SRCAP: variants seen among roughly 807,000 people sequenced by gnomAD.
SRCAP encodes the protein Snf2 related CREBBP activator protein.
In SRCAP, 46 loss-of-function variants were observed where a neutral mutation model predicts 263.1. That is an observed-to-expected ratio of 0.17 (90% CI 0.14 to 0.22). The LOEUF (loss-of-function observed/expected upper bound fraction) is 0.22, where lower values mean the gene tolerates loss of function less well. SRCAP is among the 10% of genes least tolerant of loss of function. The pLI, the probability that SRCAP is intolerant of heterozygous loss-of-function variation, is 1.00. For missense variants in SRCAP, 3,695 were observed against 4,181.9 expected, an observed-to-expected ratio of 0.88 and a Z score of 3.21; for synonymous variants, 1,813 against 1,662.1, an observed-to-expected ratio of 1.09 and a Z score of -2.21.
At chr16:30,722,916 C>A in intron 23 of SRCAP, 47 bp from the exon 24 acceptor site, 1 of 1,568,174 alleles carries the variant, frequency 6.4e-7, no homozygotes, top group South Asian at 1.2e-5. Flanking sequence ...TTCTTTGGGT[C>A]TTTTGTTTCT....
At position 30,738,416 on chromosome 16, in the gene SRCAP, T is replaced by C. The variant is rs1596669158; in HGVS notation, c.8376T>C (p.Ser2792=). The change falls in exon 34 of 34, where the codon TCT becomes TCC. Residue 2792 remains serine (S), a synonymous_variant. Coordinates refer to ENST00000262518, the MANE Select transcript of SRCAP (RefSeq NM_006662.3). ...CTAGTGCCAGCCCGGGAAGCCCGTC[T>C]GTCCGCAGCATGTCAGGGCCAGAAT... ...SETSASPGSP[S]VRSMSGPESS... is the part of the protein sequence containing the mutation. 1 of 1,545,698 alleles carries C rather than the reference T, an allele frequency of 6.5e-7. No homozygotes were observed. The highest frequency in any genetic ancestry group is 2.3e-5 in the East Asian group (1 of 44,304).
chr16:30,712,109 A>G lies in SRCAP; in HGVS notation c.1767A>G (p.Ala589=), dbSNP rs138290515. The G allele has an allele frequency of 2.2e-4, 355 of 1,614,054 alleles. No individual in the cohort carries two copies. Among genetic ancestry groups the G allele is most frequent in the Non-Finnish European group, 2.7e-4 (319 of 1,180,026 alleles). ...GPKKEITDIA[A]AAESLQPKGY... ...AGAAAGAAATTACTGACATTGCTGC[A>G]GCAGCTGAAAGTCTCCAGCCCAAGG... The change falls in exon 12 of 34, where the codon GCA becomes GCG. Residue 589 remains alanine (A), a synonymous_variant. Transcript: ENST00000262518.
At position 30,729,006 on chromosome 16, in the gene SRCAP, G is replaced by A. The variant is rs774547169; in HGVS notation, c.5699G>A (p.Arg1900His). The A allele has an allele frequency of 1.1e-5, 18 of 1,613,928 alleles. No individual in the cohort carries two copies. The highest frequency in any genetic ancestry group is 6.7e-5 in the African/African-American group (5 of 74,892). ...AAGCGGAAGCGGCAGCGGTCTGAAC[G>A]CCTGGAACGGATTTTCCAACTTAGT... is the stretch of plus-strand genomic sequence containing the variant. ...EEKRKRQRSE[R>H]LERIFQLSEA... is the part of the protein sequence containing the mutation. Residue 1900 changes from arginine (R) to histidine (H), a missense_variant, in exon 26 of 34, where the codon CGC becomes CAC. Arg to His is a conservative substitution (Grantham distance 29). Transcript: ENST00000262518.
intron 24 of SRCAP, 34 bp downstream of exon 24, chr16:30,723,263 C>A: frequency 6.4e-7 from 1 of 1,566,990 alleles, no homozygotes; most frequent in Non-Finnish European, 8.7e-7. Flanking sequence ...GAAATCCTTG[C>A]CAGGAATGGA....
At chr16:30,734,299 C>T (rs1429452678) in intron 30 of SRCAP, 197 bp from the exon 31 acceptor site, 11 of 728,224 alleles carry the variant, frequency 1.5e-5, no homozygotes, top group South Asian at 8.0e-5. Flanking sequence ...GTTGAGATGG[C>T]GCCATTGCAC....
rs776721578 is a variant in SRCAP at position 30,733,766 on chromosome 16, A to C, written c.6462A>C (p.Arg2154=). The part of the protein sequence containing the change: ...MDAQAQDRCH[R]IGQTRDVHIY... ...CTCAGGCCCAGGACCGCTGTCACCG[A>C]ATTGGCCAGACCCGGGATGTCCACA... is the stretch of plus-strand genomic sequence containing the variant. The change falls in exon 29 of 34, where the codon CGA becomes CGC. Residue 2154 remains arginine (R), a synonymous_variant. Coordinates refer to ENST00000262518, the MANE Select transcript of SRCAP (RefSeq NM_006662.3). The surrounding 1 kb of genome is among the most constrained non-coding windows in gnomAD (Gnocchi z 5.3). 19 of 1,613,978 alleles carry C rather than the reference A, an allele frequency of 1.2e-5. No individual in the cohort carries two copies. Among genetic ancestry groups the C allele is most frequent in the Non-Finnish European group, 1.6e-5 (19 of 1,180,002 alleles).
rs1276337232 is a variant in SRCAP at position 30,733,663 on chromosome 16, G to C, written c.6359G>C (p.Ser2120Thr). Residue 2120 changes from serine to threonine, a missense_variant, in exon 29 of 34, where the codon AGT (serine) becomes ACT (threonine). This residue lies in a region of SRCAP where 138 missense variants were observed against 254.9 expected (regional missense o/e 0.54). Transcript: ENST00000262518. The surrounding 1 kb of genome is among the most constrained non-coding windows in gnomAD (Gnocchi z 5.3). ...RIFCFILSTRSGGVGVNLTGA... is the reference protein window; with the variant it reads ...RIFCFILSTRTGGVGVNLTGA... ...TTCTGCTTCATCCTTTCAACTCGGAGTGGGGGTGTGGGCGTGAACCTGACA... is the reference window on the plus strand; with the variant it reads ...TTCTGCTTCATCCTTTCAACTCGGACTGGGGGTGTGGGCGTGAACCTGACA... 1 of 1,614,124 alleles carries C rather than the reference G, an allele frequency of 6.2e-7. No homozygotes were observed. The highest frequency in any genetic ancestry group is 1.7e-5 in the Admixed American group (1 of 60,008).
In SRCAP at chr16:30,723,924, G is replaced by A. The variant is rs574491718; in HGVS notation, c.4500G>A (p.Pro1500=). ...PPSLAPSGAS[P]SASALTLGLA... The stretch of plus-strand genomic sequence containing the variant: ...CCTTGGCACCATCTGGTGCTTCCCC[G>A]TCAGCATCAGCCTTGACTCTAGGTT... Residue 1500 remains proline (P), a synonymous_variant, in exon 25 of 34, where the codon CCG becomes CCA. Transcript: ENST00000262518. 1.2e-5 allele frequency: 19 copies of A among 1,614,026 alleles called. No homozygotes were observed. Among genetic ancestry groups the A allele is most frequent in the Non-Finnish European group, 1.2e-5 (14 of 1,180,008 alleles).
Position 30,729,395 on chromosome 16 carries a change from G to A in SRCAP, c.5950G>A (p.Glu1984Lys). ...ERFIFVMPPV[E>K]APPPSLHACH... is the part of the protein sequence containing the mutation. Reference sequence around the variant, plus strand: ...GTTCATCTTTGTCATGCCTCCTGTGGAGGCACCTCCCCCTTCCCTGCATGC... The same window carrying A: ...GTTCATCTTTGTCATGCCTCCTGTGAAGGCACCTCCCCCTTCCCTGCATGC... Residue 1984 changes from glutamate to lysine, a missense_variant, in exon 27 of 34, where the codon GAG becomes AAG. This residue lies in a region of SRCAP where 1,347 missense variants were observed against 1,304.4 expected (regional missense o/e 1.03). Coordinates refer to ENST00000262518, the MANE Select transcript of SRCAP (RefSeq NM_006662.3). 6.2e-7 allele frequency: 1 copy of A among 1,614,110 alleles called. No individual in the cohort carries two copies. Among genetic ancestry groups the A allele is most frequent in the Admixed American group, 1.7e-5 (1 of 60,012 alleles).
Position 30,740,028 on chromosome 16 carries a change from C to T in SRCAP, c.*295C>T. On this transcript the variant is annotated 3_prime_UTR_variant, in exon 34 of 34. Transcript: ENST00000262518. ...CCCAGCTGTCTTTCACACAGCCCCC[C>T]ACCCTTAGGGGAAGGGGGAGGGGCT... 1 of 321,126 alleles carries T rather than the reference C, an allele frequency of 3.1e-6. No homozygotes were observed. Among genetic ancestry groups the T allele is most frequent in the Non-Finnish European group, 5.6e-6 (1 of 177,838 alleles). 19.9% of individuals were successfully genotyped at this position (321,126 alleles called of 1,614,324 possible).
chr16:30,720,376 C>A, intron 19 of SRCAP, 45 bp downstream of exon 19: 1 of 1,584,862 alleles, frequency 6.3e-7, no homozygotes, highest in Non-Finnish European at 8.6e-7. Context: ...GAATAAGTGG[C>A]TGAAAGCTGC....
At chr16:30,711,800 TATG>T in intron 11 of SRCAP, 32 bp from the exon 12 acceptor site, 2 of 1,611,108 alleles carry the variant, frequency 1.2e-6, no homozygotes, top group Non-Finnish European at 1.7e-6. Flanking sequence ...GAAGAGCAGG[TATG>T]ATGAGCAGTA....
At position 30,739,386 on chromosome 16, in the gene SRCAP, A is replaced by G; in HGVS notation, c.9346A>G (p.Lys3116Glu). The change falls in exon 34 of 34, where the codon AAA (lysine) becomes GAA (glutamate). Residue 3116 changes from lysine (K) to glutamate (E), a missense_variant. Coordinates refer to ENST00000262518, the MANE Select transcript of SRCAP (RefSeq NM_006662.3). ...ACCACCTGTGGTCTCACTAACCCCA[A>G]AACTGCGCTCGACCCGGCTGCGTCC... is the stretch of plus-strand genomic sequence containing the variant. ...LTPPVVSLTP[K>E]LRSTRLRPGS... is the part of the protein sequence containing the mutation. The G allele has an allele frequency of 6.2e-7, 1 of 1,614,182 alleles. No homozygotes were observed. Among genetic ancestry groups the G allele is most frequent in the Non-Finnish European group, 8.5e-7 (1 of 1,180,008 alleles).
Position 30,705,561 on chromosome 16 carries a change from G to T in SRCAP, c.306+1246G>T, listed in dbSNP as rs375066879. Among the ~76,000 whole-genome samples, 4 of 150,294 alleles carry T rather than the reference G, an allele frequency of 2.7e-5. No individual in the cohort carries two copies. In the South Asian group the frequency reaches 6.3e-4, roughly 24 times the overall value. On this transcript the variant is annotated intron_variant, in intron 4 of 33. Transcript: ENST00000262518. The stretch of plus-strand genomic sequence containing the variant: ...ACTACAGGCGCCCGCCATCACACCC[G>T]GCTAAATTTTTTGTATTTTTAGTAG...
chr16:30,718,899 A>G (rs1440703325), intron 18 of SRCAP, among the ~76,000 whole-genome samples: 1 of 145,594 alleles, frequency 6.9e-6, no homozygotes, highest in Non-Finnish European at 1.5e-5. Flanking sequence ...TGTTATTACT[A>G]CTTTTTTTTT....
At chr16:30,701,336 T>C (rs1304886607) in intron 3 of SRCAP, 1 of 153,076 alleles carries the variant, frequency 6.5e-6, no homozygotes, top group African/African-American at 2.4e-5. Flanking sequence ...TAAATTTTTC[T>C]ATAAAAAGGG....
chr16:30,717,495 A>G (rs368685312), intron 18 of SRCAP, among the ~76,000 whole-genome samples: 1 of 150,374 alleles, frequency 6.7e-6, no homozygotes, highest in African/African-American at 2.4e-5. Context: ...CACCCAGGCT[A>G]GAGTTCAGTG....
intron 16 of SRCAP, among the ~76,000 whole-genome samples, chr16:30,714,096 ACT>A (rs1596649130): frequency 8.2e-6 from 1 of 122,338 alleles, no homozygotes; most frequent in East Asian, 2.3e-4. Flanking sequence ...GACAGAGTTC[ACT>A]CTGTCGCCCA....
rs1265651272 is a variant in SRCAP at position 30,724,294 on chromosome 16, T to C, written c.4870T>C (p.Ser1624Pro). The C allele has an allele frequency of 6.2e-7, 1 of 1,613,996 alleles. No homozygotes were observed. Among genetic ancestry groups the C allele is most frequent in the Admixed American group, 1.7e-5 (1 of 60,014 alleles). The change falls in exon 25 of 34, where the codon TCA (serine) becomes CCA (proline). Residue 1624 changes from serine to proline, a missense_variant. This residue lies in a region of SRCAP where 1,347 missense variants were observed against 1,304.4 expected (regional missense o/e 1.03). Transcript: ENST00000262518. ...GCCAGGTGCTGCTCCTGTCCTGGCT[T>C]CATCACAGACTCCGGTTCCAGTTAT... ...PSPGAAPVLA[S>P]SQTPVPVMAP... is the part of the protein sequence containing the mutation.
Sources: gnomAD v4.1 joint callset for allele counts (sites outside exome capture counted in the v4.1 genomes callset) on GRCh38, gnomAD v4.1.1 for gene constraint, gnomAD v4.1.1 regional missense constraint, Gnocchi (gnomAD v3.1) non-coding constraint, MANE v1.5 for transcripts, NCBI Gene and HGNC (gene_info 2026-07-23, HGNC 2026-07-21) for gene names.